The following RSPH14 variants were observed in gnomAD, a reference collection of about 807,000 sequenced individuals.
RSPH14 encodes radial spoke head 14 homolog, also known as rhabdoid tumor deletion region gene 1.
Under a neutral mutation model 26.7 loss-of-function variants are expected in RSPH14, and 20 were observed. That is an observed-to-expected ratio of 0.75 (90% CI 0.53 to 1.09). The LOEUF is 1.09. Among genes scored for constraint, RSPH14 ranks in the 50% least tolerant of loss-of-function variants. RSPH14 has a pLI of 0.00. For missense variants in RSPH14, 449 were observed against 457.2 expected (o/e 0.98, Z 0.16); for synonymous variants, 177 against 189.3 (o/e 0.93, Z 0.53).
chr22:23,118,983 G>A (rs546220524), intron 4 of RSPH14, among the ~76,000 whole-genome samples: 2 of 152,332 alleles, frequency 1.3e-5, no homozygotes, highest in African/African-American at 2.4e-5. Context: ...TTTGCAGGGT[G>A]AGCAGAGCAT....
the RSPH14 span, among the ~76,000 whole-genome samples, chr22:23,166,147 TAAAAAAAAAAAAAAAAA>T: frequency 8.3e-5 from 5 of 59,888 alleles, no homozygotes; most frequent in South Asian, 9.8e-4. Context: ...CTCTGTCTTT[TAAAAAAAAAAAAAAAAA>T]AAAAAAAAAA....
chr22:23,066,425 G>A (rs1449065178), intron 4 of RSPH14, among the ~76,000 whole-genome samples: 2 of 152,216 alleles, frequency 1.3e-5, no homozygotes, highest in Non-Finnish European at 2.9e-5. Context: ...TCACACAGCA[G>A]ATGGTGGCAA....
rs554811866 is a variant in RSPH14, at chr22:23,122,737, T to TG, written c.421+11288dup. 1.1e-4 allele frequency: 32 copies of TG among 295,380 alleles called. No individual in the cohort carries two copies. In the East Asian group the frequency reaches 1.9e-3, roughly 18 times the overall value. The allele number at this position is 295,380 out of a possible 1,614,324, so 18.3% of individuals were successfully genotyped here. ...AGCCTGTGGATGGGCAGTGGGAAGA[T>TG]GGGGGGTCCTCGGAGCTGGAGGTGC... On this transcript the variant is annotated intron_variant, in intron 4 of 6. Transcript: ENST00000216036.
intron 4 of RSPH14, among the ~76,000 whole-genome samples, chr22:23,115,808 T>C (rs2069815100): frequency 3.3e-5 from 5 of 152,236 alleles, no homozygotes; most frequent in Admixed American, 3.3e-4. Context: ...GCACAGTACA[T>C]GATTGCTCAC....
upstream of RSPH14, chr22:23,145,610 A>C: frequency 6.5e-7 from 1 of 1,537,426 alleles, no homozygotes; most frequent in Non-Finnish European, 8.8e-7. Flanking sequence ...GTGCTGGCAC[A>C]TCCCGAGGCC....
At chr22:23,061,650 A>G (rs2146206356) in intron 6 of RSPH14, among the ~76,000 whole-genome samples, 159 bp downstream of exon 6, 1 of 150,824 alleles carries the variant, frequency 6.6e-6, no homozygotes, top group East Asian at 2.0e-4. Context: ...CTTGGACCCA[A>G]CCTTGAAAGG....
intron 6 of RSPH14, among the ~76,000 whole-genome samples, chr22:23,061,201 T>C (rs1226293460): frequency 6.6e-6 from 1 of 152,010 alleles, no homozygotes; most frequent in African/African-American, 2.4e-5. Context: ...CTGGTGGGTG[T>C]GTAGGGGCCA....
At chr22:23,075,503 C>T (rs1049382251) in intron 4 of RSPH14, among the ~76,000 whole-genome samples, 2 of 152,194 alleles carry the variant, frequency 1.3e-5, no homozygotes, top group African/African-American at 4.8e-5. Context: ...GGCTTCTTTG[C>T]GTTCATCTCT....
At chr22:23,115,299 C>T (rs2157710) in intron 4 of RSPH14, among the ~76,000 whole-genome samples, 73,857 of 152,068 alleles carry the variant, frequency 0.49, 18,601 homozygotes, top group Middle Eastern at 0.58. Context: ...TGATGGTGTA[C>T]GTTCAGCCTG....
the RSPH14 span, chr22:23,161,499 G>C: frequency 1.2e-6 from 2 of 1,609,010 alleles, no homozygotes; most frequent in South Asian, 2.2e-5. Context: ...CCTCCTTACA[G>C]AAATGGAAGG....
intron 4 of RSPH14, among the ~76,000 whole-genome samples, chr22:23,108,536 G>A (rs561791126): frequency 6.6e-6 from 1 of 152,374 alleles, no homozygotes; most frequent in African/African-American, 2.4e-5. Context: ...AGGCACTGGA[G>A]GGTTTGCACA....
intron 4 of RSPH14, among the ~76,000 whole-genome samples, chr22:23,091,877 G>A (rs1036227198): frequency 6.6e-6 from 1 of 152,138 alleles, no homozygotes; most frequent in Admixed American, 6.5e-5. Context: ...CTCTCCCTCA[G>A]TCCAGCCACT....
rs2068364851 is a variant in RSPH14, at chr22:23,071,260, C to T, written c.422-7127G>A. On this transcript the variant is annotated intron_variant, in intron 4 of 6. Coordinates refer to ENST00000216036, the MANE Select transcript of RSPH14 (RefSeq NM_014433.3). The surrounding 1 kb of genome is among the most constrained non-coding windows in gnomAD (Gnocchi z 4.1). ...GGGCCTCAGGGCTGGCGCTCCGTAT[C>T]CTGCGGGCGATCCGAGGGGGCTCTG... 6.6e-6 allele frequency among the ~76,000 whole-genome samples: 1 copy of T among 152,110 alleles called. No homozygotes were observed. The highest frequency in any genetic ancestry group is 1.5e-5 in the Non-Finnish European group (1 of 68,006).
intron 4 of RSPH14, among the ~76,000 whole-genome samples, chr22:23,073,405 G>T (rs2146245887): frequency 6.6e-6 from 1 of 152,346 alleles, no homozygotes; most frequent in African/African-American, 2.4e-5. Context: ...AGGGACGTGG[G>T]AGCACCCAGA....
rs559296884 is a variant in RSPH14, at chr22:23,126,917, T to A, written c.421+7109A>T. Reference sequence around the variant, plus strand: ...TGGTGCAATGGGTCAACAACAGTGGTCACGATAATCCCAGCTCTCCTCAGT... The same window carrying A: ...TGGTGCAATGGGTCAACAACAGTGGACACGATAATCCCAGCTCTCCTCAGT... On this transcript the variant is annotated intron_variant, in intron 4 of 6. Coordinates refer to ENST00000216036, the MANE Select transcript of RSPH14 (RefSeq NM_014433.3). Among the ~76,000 whole-genome samples, 10 of 152,316 alleles carry A rather than the reference T, an allele frequency of 6.6e-5. No individual in the cohort carries two copies. The South Asian group carries it at 2.1e-3, about 32-fold the overall frequency.
At chr22:23,112,005 C>T (rs2069671790) in intron 4 of RSPH14, among the ~76,000 whole-genome samples, 1 of 152,206 alleles carries the variant, frequency 6.6e-6, no homozygotes, top group Admixed American at 6.5e-5. Context: ...TCCCTTGCAG[C>T]CTTAGTCTCA....
chr22:23,150,511 C>T, the RSPH14 span, among the ~76,000 whole-genome samples: 62 of 152,074 alleles, frequency 4.1e-4, no homozygotes, highest in Non-Finnish European at 6.6e-4. Context: ...CCATGTTAGC[C>T]AGGATGGTCT....
At chr22:23,123,474 G>A in intron 4 of RSPH14, 1 of 1,358,382 alleles carries the variant, frequency 7.4e-7, no homozygotes, top group African/African-American at 1.4e-5. Flanking sequence ...GAAACCCACG[G>A]GGTGTCATGC....
intron 4 of RSPH14, chr22:23,133,798 C>A: frequency 2.4e-6 from 1 of 408,724 alleles, no homozygotes; most frequent in South Asian, 1.9e-5. Flanking sequence ...CCATATTGGC[C>A]AGGCTGGTGT....
Sources: allele counts gnomAD v4.1 joint callset (sites outside exome capture counted in the v4.1 genomes callset), GRCh38; gene constraint gnomAD v4.1.1; non-coding constraint Gnocchi (gnomAD v3.1); transcripts MANE v1.5; gene names NCBI Gene and HGNC (gene_info 2026-07-23, HGNC 2026-07-21).